DMD: variants seen among roughly 807,000 people sequenced by gnomAD.
DMD encodes mutant dystrophin.
In DMD, 63 loss-of-function variants were observed where a neutral mutation model predicts 330.1. The observed-to-expected ratio is 0.19, with a 90% CI of 0.16 to 0.24. The LOEUF (loss-of-function observed/expected upper bound fraction) is 0.24. Ranked by LOEUF, DMD falls within the 10% of genes least tolerant of loss-of-function variation. The pLI is 1.00. For synonymous variants in DMD, 1,223 were observed against 959.8 expected (o/e 1.27, Z -5.07); for missense variants, 3,344 against 2,684.1 (o/e 1.25, Z -5.43).
At chrX:31,284,580 T>C (rs2039319805) in intron 62 of DMD, among the ~76,000 whole-genome samples, 1 of 95,179 alleles carries the variant, frequency 1.1e-5, no homozygotes, top group African/African-American at 4.1e-5. Context: ...TTCTTCTTCT[T>C]CTTCTTCTTC....
intron 55 of DMD, among the ~76,000 whole-genome samples, chrX:31,600,793 C>A (rs990855823): frequency 1.9e-5 from 2 of 107,178 alleles, no homozygotes; most frequent in African/African-American, 6.8e-5. Flanking sequence ...GCATTAAAAT[C>A]TGCATGATGT....
intron 47 of DMD, among the ~76,000 whole-genome samples, chrX:31,900,446 G>A (rs934740061): frequency 1.8e-5 from 2 of 111,293 alleles, no homozygotes; most frequent in Non-Finnish European, 3.8e-5. Context: ...GCCCATCCAC[G>A]TAAGATGTGA....
At chrX:31,171,215 G>A (rs1358944890) in intron 73 of DMD, among the ~76,000 whole-genome samples, 1 of 111,719 alleles carries the variant, frequency 9.0e-6, no homozygotes, top group Non-Finnish European at 1.9e-5. Context: ...TTTGTTTGAA[G>A]GAAGTAAGTC....
intron 30 of DMD, among the ~76,000 whole-genome samples, chrX:32,398,528 G>T (rs779225496): frequency 1.4e-4 from 16 of 110,757 alleles, no homozygotes; most frequent in Middle Eastern, 9.3e-3. Context: ...AAAATCTCCA[G>T]CAGAGAAGTA....
chrX:32,360,949 T>C (rs747216580), intron 37 of DMD, among the ~76,000 whole-genome samples: 2 of 111,137 alleles, frequency 1.8e-5, no homozygotes, highest in African/African-American at 6.5e-5. Context: ...ATGCAGAATG[T>C]GAAATGAAAA....
intron 8 of DMD, among the ~76,000 whole-genome samples, chrX:32,698,468 G>A (rs2063822958): frequency 2.7e-5 from 3 of 111,880 alleles, no homozygotes; most frequent in Non-Finnish European, 5.6e-5. Flanking sequence ...CAGAAATGTT[G>A]CTAAAGGTTT....
intron 1 of DMD, among the ~76,000 whole-genome samples, chrX:33,150,157 C>G (rs951572946): frequency 9.0e-6 from 1 of 111,269 alleles, no homozygotes; most frequent in Admixed American, 9.6e-5. Flanking sequence ...GGAATCCCCT[C>G]TTAAATTGTT....
chrX:32,608,241 T>A (rs1269988670), intron 12 of DMD, among the ~76,000 whole-genome samples: 2 of 110,409 alleles, frequency 1.8e-5, no homozygotes, highest in Non-Finnish European at 3.8e-5. Flanking sequence ...TGTGCAAATA[T>A]ACCCTTGGAA....
intron 44 of DMD, among the ~76,000 whole-genome samples, chrX:32,142,395 A>C (rs191888212): frequency 2.0e-4 from 23 of 112,396 alleles, no homozygotes; most frequent in Non-Finnish European, 3.2e-4. Flanking sequence ...AAAGGGCTTT[A>C]AAGTTTCATT....
rs2043756007 is a variant in DMD, at chrX:32,498,796, G to A, written c.2380+2959C>T. On this transcript the variant is annotated intron_variant, in intron 19 of 78. Coordinates refer to ENST00000357033, the MANE Select transcript of DMD (RefSeq NM_004006.3). Reference sequence around the variant, plus strand: ...CTGAAAAACTGTACATATGTTACTAGACATACTGTTTCTAGAACGTACAAC... The same window carrying A: ...CTGAAAAACTGTACATATGTTACTAAACATACTGTTTCTAGAACGTACAAC... Among the ~76,000 whole-genome samples the A allele has an allele frequency of 4.5e-5, 5 of 111,502 alleles. No individual in the cohort carries two copies. In the Admixed American group the frequency reaches 4.8e-4, roughly 11 times the overall value.
intron 50 of DMD, among the ~76,000 whole-genome samples, chrX:31,793,282 G>A (rs1380061684): frequency 9.0e-6 from 1 of 110,747 alleles, no homozygotes; most frequent in East Asian, 2.8e-4. Flanking sequence ...ACTTTGAGCT[G>A]CGGTTTCAGG....
At chrX:33,277,375 G>A (rs1244248121) in intron 1 of DMD, among the ~76,000 whole-genome samples, 2 of 111,395 alleles carry the variant, frequency 1.8e-5, no homozygotes, top group African/African-American at 3.3e-5. Context: ...GTGAATGTAC[G>A]AAATGCTATT....
At position 32,042,791 on chromosome X, in the gene DMD, C is replaced by T. The variant is rs778572851; in HGVS notation, c.6439-74277G>A. On this transcript the variant is annotated intron_variant, in intron 44 of 78. Coordinates refer to ENST00000357033, the MANE Select transcript of DMD (RefSeq NM_004006.3). The stretch of plus-strand genomic sequence containing the variant: ...AGAGGAAATAGTCTTAATTAGATTA[C>T]TACATTTTCCCCATGGATGTGTCAT... Among the ~76,000 whole-genome samples, 15 of 111,933 alleles carry T rather than the reference C, an allele frequency of 1.3e-4. No individual in the cohort carries two copies. In the South Asian group the frequency reaches 3.0e-3, roughly 22 times the overall value.
chrX:32,718,217 G>C (rs2065922473), intron 7 of DMD, among the ~76,000 whole-genome samples: 1 of 111,449 alleles, frequency 9.0e-6, no homozygotes, highest in Non-Finnish European at 1.9e-5. Context: ...ATGTTGTATT[G>C]TGATCCCCAA....
chrX:33,006,634 A>G (rs1172629602), intron 2 of DMD, among the ~76,000 whole-genome samples: 1 of 111,664 alleles, frequency 9.0e-6, no homozygotes, highest in Non-Finnish European at 1.9e-5. Flanking sequence ...GTTAACGTTC[A>G]CTGGTTGTAC....
chrX:32,471,006 G>A (rs745461602), intron 22 of DMD, among the ~76,000 whole-genome samples: 66 of 111,981 alleles, frequency 5.9e-4, no homozygotes, highest in African/African-American at 2.0e-3. Flanking sequence ...GCTGGGCGCA[G>A]TGGCTCACAC....
chrX:31,244,701 A>T (rs1180065489), intron 63 of DMD, among the ~76,000 whole-genome samples: 1 of 112,038 alleles, frequency 8.9e-6, no homozygotes, highest in Non-Finnish European at 1.9e-5. Flanking sequence ...CTATTATCTC[A>T]AACAACTATA....
At chrX:31,195,980 A>G (rs899624010) in intron 67 of DMD, among the ~76,000 whole-genome samples, 1 of 112,023 alleles carries the variant, frequency 8.9e-6, no homozygotes, top group Non-Finnish European at 1.9e-5. Context: ...TATAAACAAA[A>G]CAGGTTTCAA....
chrX:32,495,446 C>T (rs1205336049), intron 19 of DMD, among the ~76,000 whole-genome samples: 1 of 111,825 alleles, frequency 8.9e-6, no homozygotes, highest in East Asian at 2.8e-4. Context: ...ATCAAATTTG[C>T]TTTAAAATAC....
Sources: allele counts gnomAD v4.1 joint callset (sites outside exome capture counted in the v4.1 genomes callset), GRCh38; gene constraint gnomAD v4.1.1; transcripts MANE v1.5; gene names NCBI Gene and HGNC (gene_info 2026-07-23, HGNC 2026-07-21).